COL1A2: variants seen among roughly 807,000 people sequenced by gnomAD.
COL1A2 encodes the protein collagen type I alpha 2 chain.
A neutral mutation model predicts 174.3 loss-of-function variants in COL1A2; 49 were observed. That is an observed-to-expected ratio of 0.28 (90% CI 0.22 to 0.36). COL1A2 has a LOEUF of 0.36. Among genes scored for constraint, COL1A2 ranks in the 10% least tolerant of loss-of-function variants. The probability of loss-of-function intolerance (pLI) is 1.00; values close to 1 mark genes in which losing one functional copy is unlikely to be tolerated. For synonymous variants in COL1A2, 655 were observed against 606.6 expected, an observed-to-expected ratio of 1.08 and a Z score of -1.17; for missense variants, 1,438 against 1,822.7, an observed-to-expected ratio of 0.79 and a Z score of 3.84.
At chr7:94,419,686 G>C in intron 34 of COL1A2, 135 bp downstream of exon 34, 6 of 945,386 alleles carry the variant, frequency 6.3e-6, no homozygotes, top group Non-Finnish European at 8.5e-6. Flanking sequence ...TATTGTGATA[G>C]AGCAGCAGGA....
At chr7:94,414,022 CTT>C in intron 28 of COL1A2, 75 bp downstream of exon 28, 1 of 1,414,472 alleles carries the variant, frequency 7.1e-7, no homozygotes, top group Admixed American at 1.7e-5. Flanking sequence ...CCGTACCTCT[CTT>C]CTCCACCACA....
At chr7:94,429,108 C>G in intron 50 of COL1A2, 80 bp from the exon 51 acceptor site, 7 of 815,850 alleles carry the variant, frequency 8.6e-6, no homozygotes, top group Non-Finnish European at 1.1e-5. Flanking sequence ...CTTTTTTTTT[C>G]TTTTTTTTTT....
intron 26 of COL1A2, among the ~76,000 whole-genome samples, 183 bp from the exon 27 acceptor site, chr7:94,413,507 C>T (rs1422081285): frequency 6.6e-6 from 1 of 152,104 alleles, no homozygotes; most frequent in East Asian, 1.9e-4. Flanking sequence ...TACTATGTAC[C>T]CACACAAATT....
rs751214523 is a variant in COL1A2, at chr7:94,420,213, C to A, written c.2080-20C>A. 4 of 1,612,920 alleles carry A rather than the reference C, an allele frequency of 2.5e-6. No homozygotes were observed. The Admixed American group carries it at 6.7e-5, about 27-fold the overall frequency. ...TCTATGTCAGGCACATTAACAGATT[C>A]ATCTTTGGTCCCATTATAGGGCGAA... On this transcript the variant is annotated intron_variant, in intron 34 of 51. Transcript: ENST00000297268.
chr7:94,411,063 C>T lies in COL1A2; in HGVS notation c.1259C>T (p.Pro420Leu). ...TTTTTTTTTTTTGAATAGGGCCCTC[C>T]TGGTAGTCGTGGTGCAAGTGGCCCT... ...ADGRAGVMGPPGSRGASGPAG... is the reference protein window; with the variant it reads ...ADGRAGVMGPLGSRGASGPAG... Residue 420 changes from proline to leucine, a missense_variant, in exon 23 of 52, where the codon CCT (proline) becomes CTT (leucine). Transcript: ENST00000297268. 5 of 1,602,760 alleles carry T rather than the reference C, an allele frequency of 3.1e-6. No individual in the cohort carries two copies. Among genetic ancestry groups the T allele is most frequent in the Non-Finnish European group, 4.3e-6 (5 of 1,175,682 alleles).
intron 3 of COL1A2, among the ~76,000 whole-genome samples, chr7:94,398,662 G>T (rs896465086): frequency 6.6e-5 from 10 of 151,796 alleles, no homozygotes; most frequent in African/African-American, 2.4e-4. Context: ...TTTTTATTCT[G>T]GAGATGGAAG....
chr7:94,397,410 G>A (rs756730242), intron 1 of COL1A2, among the ~76,000 whole-genome samples: 1 of 151,936 alleles, frequency 6.6e-6, no homozygotes, highest in Non-Finnish European at 1.5e-5. Flanking sequence ...TACATTCAGC[G>A]ATTCATCTGT....
chr7:94,395,269 TA>T (rs1791560528), intron 1 of COL1A2, 168 bp downstream of exon 1: 1 of 757,544 alleles, frequency 1.3e-6, no homozygotes, highest in Non-Finnish European at 2.4e-6. Flanking sequence ...GAAATTACTT[TA>T]AAAAATGAAA....
intron 6 of COL1A2, among the ~76,000 whole-genome samples, chr7:94,403,906 C>T (rs893294802): frequency 1.3e-5 from 2 of 152,118 alleles, no homozygotes; most frequent in African/African-American, 4.8e-5. Context: ...GGAAAACAAT[C>T]TTCCATCATT....
chr7:94,424,504 T>G, intron 41 of COL1A2, 61 bp downstream of exon 41: 1 of 1,415,460 alleles, frequency 7.1e-7, no homozygotes, highest in Non-Finnish European at 1.0e-6. Flanking sequence ...AAGCTGCCAC[T>G]TCAAATGTGA....
intron 21 of COL1A2, 67 bp downstream of exon 21, chr7:94,410,594 A>G: frequency 3.8e-6 from 5 of 1,301,890 alleles, no homozygotes; most frequent in Non-Finnish European, 5.4e-6. Context: ...TTCACTGGGA[A>G]TTGGTCAAAA....
chr7:94,395,067 G>A lies in COL1A2; in HGVS notation c.36G>A (p.Leu12=). The A allele has an allele frequency of 1.2e-6, 2 of 1,614,104 alleles. No homozygotes were observed. Among genetic ancestry groups the A allele is most frequent in the South Asian group, 2.2e-5 (2 of 91,080 alleles). Residue 12 remains leucine, a synonymous_variant, in exon 1 of 52, where the codon CTG becomes CTA. Coordinates refer to ENST00000297268, the MANE Select transcript of COL1A2 (RefSeq NM_000089.4). ...LSFVDTRTLL[L]LAVTLCLATC... ...TTGTGGATACGCGGACTTTGTTGCT[G>A]CTTGCAGTAACCTTATGCCTAGCAA...
chr7:94,415,312 G>GT, intron 30 of COL1A2, 42 bp downstream of exon 30: 1 of 1,575,608 alleles, frequency 6.3e-7, no homozygotes. Flanking sequence ...CTGGCAATGT[G>GT]TTTTTAAAAG....
chr7:94,405,462 C>T (rs1412049371), intron 10 of COL1A2, among the ~76,000 whole-genome samples: 3 of 152,104 alleles, frequency 2.0e-5, no homozygotes, highest in Non-Finnish European at 4.4e-5. Context: ...AGCAAGCATA[C>T]CATAAGCAAC....
At chr7:94,408,063 G>A in intron 13 of COL1A2, 120 bp from the exon 14 acceptor site, 1 of 1,256,042 alleles carries the variant, frequency 8.0e-7, no homozygotes, top group Non-Finnish European at 1.1e-6. Context: ...GGAATTAGAA[G>A]GCAACTTATT....
chr7:94,426,952 A>G (rs202111683), intron 46 of COL1A2, 56 bp from the exon 47 acceptor site: 59 of 1,377,984 alleles, frequency 4.3e-5, no homozygotes, highest in Admixed American at 3.1e-4. Flanking sequence ...AAAAAAAAAA[A>G]ATATGTCTCT....
At chr7:94,406,410 T>C in intron 12 of COL1A2, 107 bp downstream of exon 12, 1 of 1,046,344 alleles carries the variant, frequency 9.6e-7, no homozygotes. Flanking sequence ...AAAAAGTATT[T>C]TTATTTTTTT....
chr7:94,422,803 G>A (rs773244184), intron 39 of COL1A2, 154 bp from the exon 40 acceptor site: 14 of 966,518 alleles, frequency 1.4e-5, no homozygotes, highest in Non-Finnish European at 1.9e-5. Flanking sequence ...CTGCAAGAAA[G>A]AAGGTTAAAA....
chr7:94,420,150 T>C, intron 34 of COL1A2, 83 bp from the exon 35 acceptor site: 1 of 1,569,942 alleles, frequency 6.4e-7, no homozygotes, highest in Non-Finnish European at 8.8e-7. Flanking sequence ...ACTCTGTCTG[T>C]CCACCACTGT....
Sources: allele counts gnomAD v4.1 joint callset (sites outside exome capture counted in the v4.1 genomes callset), GRCh38; gene constraint gnomAD v4.1.1; transcripts MANE v1.5; gene names NCBI Gene and HGNC (gene_info 2026-07-23, HGNC 2026-07-21).